The following NELL1 variants were observed in gnomAD, a reference collection of about 807,000 sequenced individuals.
NELL1 encodes the protein protein kinase C-binding protein NELL1.
In NELL1, 76 loss-of-function variants were observed where a neutral mutation model predicts 107.4. The observed-to-expected ratio is 0.71, with a 90% CI of 0.59 to 0.86. The LOEUF (loss-of-function observed/expected upper bound fraction) is 0.86. Among genes scored for constraint, NELL1 ranks in the 40% least tolerant of loss-of-function variants. The pLI is 0.00. For synonymous variants in NELL1, 353 were observed against 341.2 expected (o/e 1.03, Z -0.38); for missense variants, 1,024 against 1,005.5 (o/e 1.02, Z -0.25).
chr11:21,475,491 C>G (rs1854306879), intron 15 of NELL1, among the ~76,000 whole-genome samples: 1 of 152,182 alleles, frequency 6.6e-6, no homozygotes, highest in South Asian at 2.1e-4. Context: ...GTGACTTGCT[C>G]TGGCCAATCC....
At chr11:20,687,483 C>T (rs375046913) in intron 2 of NELL1, among the ~76,000 whole-genome samples, 1 of 151,286 alleles carries the variant, frequency 6.6e-6, no homozygotes, top group Non-Finnish European at 1.5e-5. Context: ...TAAACATTTA[C>T]AATTTTTGGG....
intron 13 of NELL1, among the ~76,000 whole-genome samples, chr11:21,176,168 T>C (rs933786114): frequency 3.3e-5 from 5 of 151,888 alleles, no homozygotes; most frequent in Admixed American, 1.3e-4. Flanking sequence ...CAATACCTGG[T>C]ATGTAGAAAG....
chr11:20,699,179 T>C (rs983552200), intron 2 of NELL1, among the ~76,000 whole-genome samples: 1 of 151,712 alleles, frequency 6.6e-6, no homozygotes, highest in African/African-American at 2.4e-5. Context: ...ATCGTACCAC[T>C]GTACTCCAGC....
At chr11:21,456,397 G>A (rs1853737141) in intron 15 of NELL1, among the ~76,000 whole-genome samples, 1 of 151,926 alleles carries the variant, frequency 6.6e-6, no homozygotes, top group Non-Finnish European at 1.5e-5. Flanking sequence ...TAAGCAGTAT[G>A]CTGTACAAAA....
chr11:21,409,155 T>A (rs1389014580), intron 15 of NELL1, among the ~76,000 whole-genome samples: 6 of 152,000 alleles, frequency 3.9e-5, no homozygotes, highest in East Asian at 1.9e-4. Flanking sequence ...GGCACTATTA[T>A]CAATAGCAAA....
intron 12 of NELL1, among the ~76,000 whole-genome samples, chr11:21,100,971 A>AAAT (rs1854792098): frequency 6.6e-6 from 1 of 151,276 alleles, no homozygotes; most frequent in Admixed American, 6.6e-5. Context: ...GTATATCTCC[A>AAAT]AATGCTATCC....
rs1189489859 is a variant in NELL1, at chr11:21,351,529, A to T, written c.1550-19324A>T. On this transcript the variant is annotated intron_variant, in intron 14 of 19. Coordinates refer to ENST00000357134, the MANE Select transcript of NELL1 (RefSeq NM_006157.5). ...AGTCCATATTATTTCCAGTAAAAAA[A>T]AAAAAAAGAAACTTTTTAAATTTCT... 2.0e-5 allele frequency among the ~76,000 whole-genome samples: 3 copies of T among 152,202 alleles called. No individual in the cohort carries two copies. In the East Asian group the frequency reaches 5.8e-4, roughly 29 times the overall value.
intron 12 of NELL1, among the ~76,000 whole-genome samples, chr11:20,992,860 A>G (rs1211369536): frequency 6.6e-6 from 1 of 151,956 alleles, no homozygotes; most frequent in South Asian, 2.1e-4. Flanking sequence ...GATTACAGGC[A>G]TGCGCCACCA....
chr11:20,958,088 A>G (rs35227450), intron 11 of NELL1, among the ~76,000 whole-genome samples: 7,186 of 152,252 alleles, frequency 0.047, 231 homozygotes, highest in Middle Eastern at 0.2. Flanking sequence ...TTATACCTAC[A>G]TATCTTAGAT....
At chr11:21,420,392 T>G (rs1026567595) in intron 15 of NELL1, among the ~76,000 whole-genome samples, 1 of 152,022 alleles carries the variant, frequency 6.6e-6, no homozygotes, top group Non-Finnish European at 1.5e-5. Context: ...AAAAATGATG[T>G]AAATGTACAA....
chr11:20,819,524 C>T (rs1857702289), intron 3 of NELL1, among the ~76,000 whole-genome samples: 2 of 152,198 alleles, frequency 1.3e-5, no homozygotes, highest in Non-Finnish European at 2.9e-5. Context: ...GATTCAGAGG[C>T]AGAAAGGGGG....
At chr11:21,420,965 G>T (rs1203577487) in intron 15 of NELL1, among the ~76,000 whole-genome samples, 1 of 151,968 alleles carries the variant, frequency 6.6e-6, no homozygotes, top group Non-Finnish European at 1.5e-5. Context: ...ATCAGTAAAG[G>T]CTACAAGATA....
chr11:21,072,003 A>G (rs1199845284), intron 12 of NELL1, among the ~76,000 whole-genome samples: 1 of 152,154 alleles, frequency 6.6e-6, no homozygotes, highest in Admixed American at 6.6e-5. Context: ...ATGAGAAGCA[A>G]AAATTTGGAA....
chr11:21,170,653 GTATA>G (rs200742332), intron 13 of NELL1, among the ~76,000 whole-genome samples: 1 of 146,612 alleles, frequency 6.8e-6, no homozygotes, highest in African/African-American at 2.6e-5. Flanking sequence ...TGTCTTTCCA[GTATA>G]TATATATACT....
intron 13 of NELL1, among the ~76,000 whole-genome samples, chr11:21,170,405 A>T (rs1856578598): frequency 6.6e-6 from 1 of 151,778 alleles, no homozygotes; most frequent in African/African-American, 2.4e-5. Flanking sequence ...CACATCTTGA[A>T]GACATAATTT....
At chr11:21,334,559 T>C (rs1227451360) in intron 14 of NELL1, among the ~76,000 whole-genome samples, 1 of 151,932 alleles carries the variant, frequency 6.6e-6, no homozygotes, top group Non-Finnish European at 1.5e-5. Context: ...TCTGTCTCTC[T>C]GTTTTCCCCT....
chr11:20,872,467 C>T (rs1215520260), intron 4 of NELL1, among the ~76,000 whole-genome samples: 1 of 152,126 alleles, frequency 6.6e-6, no homozygotes, highest in Non-Finnish European at 1.5e-5. Context: ...AGGTATGAGC[C>T]ACATGGGGCC....
intron 5 of NELL1, among the ~76,000 whole-genome samples, chr11:20,904,700 G>T (rs1849954852): frequency 6.6e-6 from 1 of 152,132 alleles, no homozygotes; most frequent in Non-Finnish European, 1.5e-5. Context: ...CTGGCTAAGT[G>T]TTGAAGGAGG....
chr11:21,079,026 A>G (rs923005381), intron 12 of NELL1, among the ~76,000 whole-genome samples: 4 of 151,738 alleles, frequency 2.6e-5, no homozygotes, highest in Non-Finnish European at 5.9e-5. Context: ...ACATTAAGTT[A>G]TAAGACTGAT....
Sources: gnomAD v4.1 joint callset for allele counts (sites outside exome capture counted in the v4.1 genomes callset) on GRCh38, gnomAD v4.1.1 for gene constraint, MANE v1.5 for transcripts, NCBI Gene and HGNC (gene_info 2026-07-23, HGNC 2026-07-21) for gene names.